Variants in SYT7 observed in about 807,000 individuals in gnomAD.
SYT7 encodes the protein synaptotagmin 7.
SYT7 carries 29 observed loss-of-function variants against 75.1 expected under a neutral mutation model. That is an observed-to-expected ratio of 0.39 (90% CI 0.29 to 0.53). The LOEUF (loss-of-function observed/expected upper bound fraction) is 0.53. Ranked by LOEUF, SYT7 falls within the 20% of genes least tolerant of loss-of-function variation. SYT7 has a pLI of 0.77. For synonymous variants in SYT7, 376 were observed against 401.7 expected (o/e 0.94, Z 0.76); for missense variants, 693 against 953.2 (o/e 0.73, Z 3.59).
Position 61,580,981 on chromosome 11 carries a change from GCCGCCCGCCAGCCCTC to G in SYT7, c.-177_-162del, listed in dbSNP as rs2064251335. The G allele has an allele frequency of 1.4e-5, 14 of 976,366 alleles. No individual in the cohort carries two copies. The highest frequency in any genetic ancestry group is 1.3e-4 in the Admixed American group (2 of 15,814). The allele number at this position is 976,366 out of a possible 1,614,324, so 60.5% of individuals were successfully genotyped here. ...CTAGCCGCGGAGCCGGGGAGCGGGGGCCGCCCGCCAGCCCTCCCGCCCGCCCGCGGAGCACGCTGCC... is the reference window on the plus strand; with the variant it reads ...CTAGCCGCGGAGCCGGGGAGCGGGGGCCGCCCGCCCGCGGAGCACGCTGCC... On this transcript the variant is annotated 5_prime_UTR_variant, in exon 1 of 13. Coordinates refer to ENST00000539008, the MANE Select transcript of SYT7 (RefSeq NM_001365809.2). This position sits in a 1 kb window ranked among gnomAD's most constrained non-coding sequence, Gnocchi z 6.1.
At chr11:61,555,029 A>G (rs569341337) in intron 2 of SYT7, among the ~76,000 whole-genome samples, 3 of 152,156 alleles carry the variant, frequency 2.0e-5, no homozygotes, top group Non-Finnish European at 2.9e-5. Flanking sequence ...CAAGACCCCA[A>G]AACCTTTTCC....
At chr11:61,574,589 A>T (rs535583588) in intron 1 of SYT7, among the ~76,000 whole-genome samples, 3 of 151,864 alleles carry the variant, frequency 2.0e-5, no homozygotes, top group Non-Finnish European at 4.4e-5. Flanking sequence ...AGTGTTTCCA[A>T]GGGTCCCTTG....
At position 61,517,297 on chromosome 11, in the gene SYT7, A is replaced by G; in HGVS notation, c.*1330T>C. On this transcript the variant is annotated 3_prime_UTR_variant, in exon 13 of 13. Coordinates refer to ENST00000539008, the MANE Select transcript of SYT7 (RefSeq NM_001365809.2). ...GTCTCATCAGTGGCCGAGGCAGAGA[A>G]ACCACAGCTTCTTTGTGTGTGGCAA... is the stretch of plus-strand genomic sequence containing the variant. 1 of 398,666 alleles carries G rather than the reference A, an allele frequency of 2.5e-6. No homozygotes were observed. Among genetic ancestry groups the G allele is most frequent in the Admixed American group, 4.4e-5 (1 of 22,738 alleles). The allele number at this position is 398,666 out of a possible 1,614,324, so 24.7% of individuals were successfully genotyped here.
In SYT7 at chr11:61,551,551, T is replaced by TA. The variant is rs2063350984; in HGVS notation, c.136-89dup. 7.3e-7 allele frequency: 1 copy of TA among 1,365,966 alleles called. No homozygotes were observed. The highest frequency in any genetic ancestry group is 2.3e-5 in the East Asian group (1 of 43,338). The allele number at this position is 1,365,966 out of a possible 1,614,324, so 84.6% of individuals were successfully genotyped here. ...AACAGGGACCCGGAGGGGAAGGAGA[T>TA]AGACTGGAGTCGGGCCGTGGCAACA... On this transcript the variant is annotated intron_variant, in intron 2 of 12. Transcript: ENST00000539008. The surrounding 1 kb of genome is among the most constrained non-coding windows in gnomAD (Gnocchi z 5.3).
intron 1 of SYT7, among the ~76,000 whole-genome samples, chr11:61,567,030 G>A (rs997597792): frequency 1.3e-5 from 2 of 152,210 alleles, no homozygotes; most frequent in African/African-American, 4.8e-5. Context: ...TTGGGGAGGG[G>A]AGTGCATTTA....
rs1256809160 is a variant in SYT7 at position 61,514,004 on chromosome 11, G to A, written c.*4623C>T. ...CCTTCCAGAAAGCAGCAGTATCCAG[G>A]GGGGGACTCACAGGAGAAAGAAAAC... On this transcript the variant is annotated 3_prime_UTR_variant, in exon 13 of 13. Transcript: ENST00000539008. 1.3e-5 allele frequency among the ~76,000 whole-genome samples: 2 copies of A among 152,016 alleles called. No homozygotes were observed.
chr11:61,531,076 A>C, intron 8 of SYT7: 3 of 985,424 alleles, frequency 3.0e-6, no homozygotes, highest in Non-Finnish European at 3.6e-6. Context: ...CTTGACCCCC[A>C]GATTCCACAG....
chr11:61,555,421 C>T (rs1480179406), intron 2 of SYT7, among the ~76,000 whole-genome samples: 1 of 152,190 alleles, frequency 6.6e-6, no homozygotes, highest in Admixed American at 6.5e-5. Flanking sequence ...GGGCTGCGGG[C>T]TGGGCGGGGC....
In SYT7 at chr11:61,556,198, G is replaced by C. The variant is rs567594237; in HGVS notation, c.41C>G (p.Ser14Trp). 1.2e-6 allele frequency: 2 copies of C among 1,613,262 alleles called. No homozygotes were observed. The highest frequency in any genetic ancestry group is 1.7e-4 in the Middle Eastern group (1 of 5,920). The change falls in exon 2 of 13, where the codon TCG becomes TGG. Residue 14 changes from serine to tryptophan, a missense_variant. Ser to Trp is a radical substitution (Grantham distance 177). This residue lies in a region of SYT7 where 487 missense variants were observed against 593.2 expected (regional missense o/e 0.82). Coordinates refer to ENST00000539008, the MANE Select transcript of SYT7 (RefSeq NM_001365809.2). ...DPEAASPGAP[S>W]RDVLLVSAII... ...GGCAGAGACCAGCAGGACGTCGCGC[G>C]AGGGCGCCCCTGGGGAGGACAGGTA... is the stretch of plus-strand genomic sequence containing the variant.
chr11:61,579,806 C>A lies in SYT7; in HGVS notation c.31+984G>T, dbSNP rs1337883982. 3.9e-5 allele frequency among the ~76,000 whole-genome samples: 6 copies of A among 152,188 alleles called. No individual in the cohort carries two copies. The East Asian group carries it at 1.2e-3, about 29-fold the overall frequency. On this transcript the variant is annotated intron_variant, in intron 1 of 12. Coordinates refer to ENST00000539008, the MANE Select transcript of SYT7 (RefSeq NM_001365809.2). ...GGCTGGGGAGTCGTGCTTTTAGCAT[C>A]AGAGAGAAGCCCAGAAACAGACCCT...
At chr11:61,558,840 T>C (rs2063569870) in intron 1 of SYT7, among the ~76,000 whole-genome samples, 2 of 152,090 alleles carry the variant, frequency 1.3e-5, no homozygotes, top group Non-Finnish European at 2.9e-5. Flanking sequence ...CCTCCATGGT[T>C]CAAGCAATTC....
chr11:61,539,457 G>C (rs2071168), intron 6 of SYT7: 112,411 of 152,030 alleles, frequency 0.74, 47,683 homozygotes, highest in Non-Finnish European at 0.93. Context: ...TGGGTGCTTT[G>C]TGGAGCTTCT....
intron 8 of SYT7, among the ~76,000 whole-genome samples, 184 bp from the exon 9 acceptor site, chr11:61,528,369 G>A (rs556244907): frequency 6.6e-6 from 1 of 152,174 alleles, no homozygotes; most frequent in East Asian, 1.9e-4. Context: ...GGAGGGGAAG[G>A]GGGAGGGCAG....
At chr11:61,549,830 G>A (rs1457923652) in intron 3 of SYT7, among the ~76,000 whole-genome samples, 2 of 152,196 alleles carry the variant, frequency 1.3e-5, no homozygotes, top group Non-Finnish European at 1.5e-5. Flanking sequence ...TCCCAGCCTG[G>A]CACAGCCTGC....
At position 61,532,983 on chromosome 11, in the gene SYT7, T is replaced by G; in HGVS notation, c.1200+6A>C. On this transcript the variant is annotated splice_donor_region_variant and intron_variant, in intron 8 of 12. Transcript: ENST00000539008. ...CTTGGAGCAGCGCAGGCTCCCTCAT[T>G]CTCACCATGAGCATCTCGCTGGTGA... 6.2e-7 allele frequency: 1 copy of G among 1,612,884 alleles called. No individual in the cohort carries two copies.
intron 5 of SYT7, among the ~76,000 whole-genome samples, chr11:61,544,314 C>A (rs1933446118): frequency 6.6e-6 from 1 of 152,070 alleles, no homozygotes; most frequent in Non-Finnish European, 1.5e-5. Context: ...CCCTGGGAAC[C>A]AAAAGACAAC....
chr11:61,577,401 G>C (rs905610322), intron 1 of SYT7, among the ~76,000 whole-genome samples: 1 of 152,210 alleles, frequency 6.6e-6, no homozygotes, highest in Non-Finnish European at 1.5e-5. Flanking sequence ...GGAGGAGAGA[G>C]GTTGTTGGTG....
At chr11:61,556,232 A>C (rs776185287) in intron 1 of SYT7, 25 bp from the exon 2 acceptor site, 30 of 1,595,098 alleles carry the variant, frequency 1.9e-5, no homozygotes, top group Non-Finnish European at 2.6e-5. Context: ...TACAGGTCAC[A>C]CCCTCATTGG....
chr11:61,549,480 C>G (rs2063286199), intron 3 of SYT7, among the ~76,000 whole-genome samples: 1 of 152,212 alleles, frequency 6.6e-6, no homozygotes, highest in African/African-American at 2.4e-5. Flanking sequence ...CTGACGAACA[C>G]AGTTTGGAAA....
Sources: gnomAD v4.1 joint callset for allele counts (sites outside exome capture counted in the v4.1 genomes callset) on GRCh38, gnomAD v4.1.1 for gene constraint, gnomAD v4.1.1 regional missense constraint, Gnocchi (gnomAD v3.1) non-coding constraint, MANE v1.5 for transcripts, NCBI Gene and HGNC (gene_info 2026-07-23, HGNC 2026-07-21) for gene names.